Variants in SIK2 observed in about 807,000 individuals in gnomAD.
SIK2 encodes the protein serine/threonine-protein kinase SIK2.
Under a neutral mutation model 103.2 loss-of-function variants are expected in SIK2, and 29 were observed. That is an observed-to-expected ratio of 0.28 (90% CI 0.21 to 0.38). The LOEUF (loss-of-function observed/expected upper bound fraction) is 0.38, where lower values mean the gene tolerates loss of function less well. Among genes scored for constraint, SIK2 ranks in the 10% least tolerant of loss-of-function variants. The pLI is 1.00. For synonymous variants in SIK2, 412 were observed against 446.1 expected (o/e 0.92, Z 0.96); for missense variants, 879 against 1,171.0 (o/e 0.75, Z 3.64).
chr11:111,697,353 A>G (rs1326536293), intron 4 of SIK2, among the ~76,000 whole-genome samples: 1 of 152,180 alleles, frequency 6.6e-6, no homozygotes, highest in African/African-American at 2.4e-5. Context: ...TCTGCAGATG[A>G]TATGCTGAGA....
At chr11:111,680,558 G>C (rs1222311046) in intron 3 of SIK2, among the ~76,000 whole-genome samples, 1 of 151,888 alleles carries the variant, frequency 6.6e-6, no homozygotes, top group African/African-American at 2.4e-5. Context: ...TTAATCTTTT[G>C]TGCTGTTATT....
chr11:111,694,367 G>A (rs986904961), intron 4 of SIK2, among the ~76,000 whole-genome samples: 6 of 152,118 alleles, frequency 3.9e-5, no homozygotes, highest in Admixed American at 2.0e-4. Flanking sequence ...AATGTAATTA[G>A]TATTGTATAA....
At chr11:111,715,857 A>G (rs1469405353) in intron 9 of SIK2, among the ~76,000 whole-genome samples, 2 of 121,180 alleles carry the variant, frequency 1.7e-5, no homozygotes, top group South Asian at 2.8e-4. Context: ...GCTGGAGTGC[A>G]GTGACACGAT....
intron 3 of SIK2, among the ~76,000 whole-genome samples, chr11:111,659,456 C>T (rs1257987520): frequency 6.6e-6 from 1 of 152,134 alleles, no homozygotes; most frequent in African/African-American, 2.4e-5. Context: ...AGGCAGGCAT[C>T]GTGGGAACCA....
chr11:111,611,085 AATGTGT>A lies in SIK2; in HGVS notation c.136-5157_136-5152del, dbSNP rs1351164992. On this transcript the variant is annotated intron_variant, in intron 1 of 14. Transcript: ENST00000304987. ...ACATGGTGAAACCCACTCTCGACCA[AATGTGT>A]GTGTGTGTGTGTGTGTGTGTGTGTG... Among the ~76,000 whole-genome samples the A allele has an allele frequency of 9.5e-3, 1,284 of 134,634 alleles. 12 individuals are homozygous for A. Among genetic ancestry groups the A allele is most frequent in the Non-Finnish European group, 0.014 (877 of 64,570 alleles). 88.3% of individuals were successfully genotyped at this position (134,634 alleles called of 152,430 possible).
At position 111,688,186 on chromosome 11, in the gene SIK2, A is replaced by G; in HGVS notation, c.478+24A>G. On this transcript the variant is annotated intron_variant, in intron 4 of 14. Coordinates refer to ENST00000304987, the MANE Select transcript of SIK2 (RefSeq NM_015191.3). This position sits in a 1 kb window ranked among gnomAD's most constrained non-coding sequence, Gnocchi z 4.2. ...AGGTAACTGGGACACAACTGGCTCT[A>G]ATAAGATCCGAAGTGAGCCACTGCA... 1.2e-6 allele frequency: 2 copies of G among 1,613,334 alleles called. No homozygotes were observed. The highest frequency in any genetic ancestry group is 1.7e-6 in the Non-Finnish European group (2 of 1,179,378).
chr11:111,619,403 A>AT (rs1365965200), intron 2 of SIK2, among the ~76,000 whole-genome samples: 2 of 151,680 alleles, frequency 1.3e-5, no homozygotes, highest in Admixed American at 6.6e-5. Flanking sequence ...TTATATATTT[A>AT]TTTTTTTTGA....
chr11:111,642,038 G>A (rs754294048), intron 3 of SIK2, among the ~76,000 whole-genome samples: 9 of 152,120 alleles, frequency 5.9e-5, no homozygotes, highest in Non-Finnish European at 1.0e-4. Context: ...AGGTCAGTTT[G>A]GTTGCCCTGT....
rs746757174 is a variant in SIK2 at position 111,701,507 on chromosome 11, C to T, written c.659C>T (p.Pro220Leu). The T allele has an allele frequency of 1.5e-5, 24 of 1,613,650 alleles. No homozygotes were observed. The highest frequency in any genetic ancestry group is 8.3e-5 in the Admixed American group (5 of 59,988). Residue 220 changes from proline to leucine, a missense_variant, in exon 6 of 15, where the codon CCG becomes CTG. Pro to Leu is a moderately conservative substitution (Grantham distance 98). Transcript: ENST00000304987. This position sits in a 1 kb window ranked among gnomAD's most constrained non-coding sequence, Gnocchi z 4.2. ...TGTGGAGCTCTGCCCTTTGATGGAC[C>T]GACTCTTCCAATTTTGAGGCAGAGG... ...LVCGALPFDG[P>L]TLPILRQRVL...
At chr11:111,663,655 G>A (rs1942497314) in intron 3 of SIK2, among the ~76,000 whole-genome samples, 1 of 152,124 alleles carries the variant, frequency 6.6e-6, no homozygotes, top group South Asian at 2.1e-4. Context: ...GGAGTAGAGA[G>A]AGGAGACTGG....
At chr11:111,649,704 A>T (rs1024946003) in intron 3 of SIK2, among the ~76,000 whole-genome samples, 6 of 152,248 alleles carry the variant, frequency 3.9e-5, no homozygotes, top group African/African-American at 1.4e-4. Context: ...TACAATGCAG[A>T]TGTAAGTCTG....
chr11:111,610,097 T>A (rs1941699762), intron 1 of SIK2, among the ~76,000 whole-genome samples: 1 of 152,230 alleles, frequency 6.6e-6, no homozygotes, highest in Non-Finnish European at 1.5e-5. Flanking sequence ...CTTTAATCTG[T>A]GGATTTATAG....
intron 1 of SIK2, among the ~76,000 whole-genome samples, chr11:111,614,006 C>T (rs1941766415): frequency 6.6e-6 from 1 of 151,586 alleles, no homozygotes; most frequent in Non-Finnish European, 1.5e-5. Context: ...TTACATTTGA[C>T]CCTTGAACAA....
intron 9 of SIK2, among the ~76,000 whole-genome samples, chr11:111,713,377 A>T (rs1231615917): frequency 1.3e-5 from 2 of 151,974 alleles, no homozygotes; most frequent in Non-Finnish European, 2.9e-5. Context: ...TTCAAAATAG[A>T]CCTCCTCTTA....
chr11:111,657,773 AAC>A (rs1942411266), intron 3 of SIK2, among the ~76,000 whole-genome samples: 1 of 152,192 alleles, frequency 6.6e-6, no homozygotes, highest in African/African-American at 2.4e-5. Flanking sequence ...AGATGAAAGT[AAC>A]AGCATGAGCT....
In SIK2 at chr11:111,724,082, C is replaced by T; in HGVS notation, c.2734C>T (p.Leu912=). ...ELPGLFDCEM[L]DAVDPQHNGY... is the part of the protein sequence containing the mutation. ...ACCTGGACTCTTTGATTGTGAAATGCTAGACGCTGTGGATCCACAACACAA... is the reference window on the plus strand; with the variant it reads ...ACCTGGACTCTTTGATTGTGAAATGTTAGACGCTGTGGATCCACAACACAA... The change falls in exon 15 of 15, where the codon CTA becomes TTA. Residue 912 remains leucine, a synonymous_variant. Transcript: ENST00000304987. 6.2e-7 allele frequency: 1 copy of T among 1,613,454 alleles called. No individual in the cohort carries two copies. Among genetic ancestry groups the T allele is most frequent in the South Asian group, 1.1e-5 (1 of 91,086 alleles).
At chr11:111,664,002 C>A (rs538072335) in intron 3 of SIK2, among the ~76,000 whole-genome samples, 4 of 152,166 alleles carry the variant, frequency 2.6e-5, no homozygotes, top group Non-Finnish European at 4.4e-5. Context: ...CACCCTCCCC[C>A]ACTCCCCACT....
At chr11:111,649,397 T>C (rs977344114) in intron 3 of SIK2, among the ~76,000 whole-genome samples, 1 of 152,118 alleles carries the variant, frequency 6.6e-6, no homozygotes, top group African/African-American at 2.4e-5. Context: ...CACATGAAGG[T>C]ATTTGAATAT....
Position 111,730,604 on chromosome 11 carries a change from T to C in SIK2, c.*6475T>C, listed in dbSNP as rs535700190. The C allele has an allele frequency of 6.6e-6, 1 of 152,274 alleles. No homozygotes were observed. Among genetic ancestry groups the C allele is most frequent in the South Asian group, 2.1e-4 (1 of 4,820 alleles). The allele number at this position is 152,274 out of a possible 1,614,324, so 9.4% of individuals were successfully genotyped here. ...ATATTTTCTGTGTGCTTTTTTTTAA[T>C]TACTAAGAAAAAAATTGGTGAGTTC... On this transcript the variant is annotated 3_prime_UTR_variant, in exon 15 of 15. Coordinates refer to ENST00000304987, the MANE Select transcript of SIK2 (RefSeq NM_015191.3).
Sources: gnomAD v4.1 joint callset for allele counts (sites outside exome capture counted in the v4.1 genomes callset) on GRCh38, gnomAD v4.1.1 for gene constraint, Gnocchi (gnomAD v3.1) non-coding constraint, MANE v1.5 for transcripts, NCBI Gene and HGNC (gene_info 2026-07-23, HGNC 2026-07-21) for gene names.